KCNIP1: variants seen among roughly 807,000 people sequenced by gnomAD.
KCNIP1 encodes the protein potassium voltage-gated channel interacting protein 1, also known as A-type potassium channel modulatory protein KCNIP1.
In KCNIP1, 18 loss-of-function variants were observed where a neutral mutation model predicts 33.0. The observed-to-expected ratio is 0.55, with a 90% confidence interval of 0.38 to 0.81. The LOEUF is 0.81. Among genes scored for constraint, KCNIP1 ranks in the 30% least tolerant of loss-of-function variants. KCNIP1 has a pLI of 0.00. For synonymous variants in KCNIP1, 93 were observed against 98.3 expected (o/e 0.95, Z 0.32); for missense variants, 238 against 271.6 (o/e 0.88, Z 0.87).
chr5:170,385,253 T>C, intron 1 of KCNIP1: 1 of 1,596,506 alleles, frequency 6.3e-7, no homozygotes, highest in Non-Finnish European at 8.6e-7. Context: ...CCAGGGTTCC[T>C]TACAGATGCC....
intron 1 of KCNIP1, among the ~76,000 whole-genome samples, chr5:170,666,329 C>CGT (rs146990295): frequency 3.2e-4 from 49 of 151,852 alleles, no homozygotes; most frequent in Non-Finnish European, 5.3e-4. Context: ...TGTGTGTTTG[C>CGT]GTGTGTGTGT....
At chr5:170,511,919 G>C (rs530190684) in intron 1 of KCNIP1, among the ~76,000 whole-genome samples, 2 of 152,272 alleles carry the variant, frequency 1.3e-5, no homozygotes, top group East Asian at 3.9e-4. Flanking sequence ...ATGGATGTTG[G>C]GGAGAAGGCA....
chr5:170,735,717 G>A (rs1294932012), intron 7 of KCNIP1, 42 bp from the exon 8 acceptor site: 3 of 1,555,606 alleles, frequency 1.9e-6, no homozygotes, highest in Non-Finnish European at 2.7e-6. Context: ...TCTCAGGGAG[G>A]AGACTCAGAG....
At chr5:170,374,166 G>T (rs1421382067) in intron 1 of KCNIP1, among the ~76,000 whole-genome samples, 1 of 152,210 alleles carries the variant, frequency 6.6e-6, no homozygotes, top group African/African-American at 2.4e-5. Context: ...TGTTGATTTA[G>T]AGGAGGAGCT....
chr5:170,548,981 C>G (rs1756509911), intron 1 of KCNIP1, among the ~76,000 whole-genome samples: 1 of 152,150 alleles, frequency 6.6e-6, no homozygotes, highest in Non-Finnish European at 1.5e-5. Context: ...GGGGCTGGGG[C>G]TGGAGAAGCC....
intron 1 of KCNIP1, among the ~76,000 whole-genome samples, chr5:170,570,779 G>A (rs1757380068): frequency 6.6e-6 from 1 of 152,258 alleles, no homozygotes; most frequent in Non-Finnish European, 1.5e-5. Context: ...TGCCTCCTGG[G>A]AGGAAATAAA....
At chr5:170,450,506 C>T (rs752203407) in intron 1 of KCNIP1, among the ~76,000 whole-genome samples, 3 of 152,234 alleles carry the variant, frequency 2.0e-5, no homozygotes, top group Admixed American at 1.3e-4. Context: ...AAAACCCTTC[C>T]GTGGCTCCCT....
chr5:170,725,074 G>A (rs1581549273), intron 5 of KCNIP1, among the ~76,000 whole-genome samples: 1 of 152,090 alleles, frequency 6.6e-6, no homozygotes, highest in Non-Finnish European at 1.5e-5. Context: ...AGATGGTAGG[G>A]AATTGGCATA....
At chr5:170,451,138 T>C (rs1262315421) in intron 1 of KCNIP1, among the ~76,000 whole-genome samples, 1 of 152,218 alleles carries the variant, frequency 6.6e-6, no homozygotes, top group Non-Finnish European at 1.5e-5. Context: ...CTATTCTGAC[T>C]GTGTTGGAGC....
At chr5:170,692,275 G>A (rs991091708) in intron 1 of KCNIP1, among the ~76,000 whole-genome samples, 2 of 152,138 alleles carry the variant, frequency 1.3e-5, no homozygotes, top group African/African-American at 2.4e-5. Flanking sequence ...CAGGCTGCTG[G>A]GTGGGACCCC....
chr5:170,718,913 G>T (rs369653987), intron 2 of KCNIP1, 31 bp downstream of exon 2: 16 of 1,595,212 alleles, frequency 1.0e-5, no homozygotes, highest in Admixed American at 3.7e-5. Context: ...GAAGGCCTGG[G>T]GGGGGTTCCC....
Position 170,651,595 on chromosome 5 carries a change from AC to A in KCNIP1, c.62-67156del, listed in dbSNP as rs1374016069. On this transcript the variant is annotated intron_variant, in intron 1 of 7. Coordinates refer to ENST00000328939, the MANE Select transcript of KCNIP1 (RefSeq NM_014592.4). Reference sequence around the variant, plus strand: ...TTGCCATCTATAATCTTCTACCGCCACCCCCCCAGCTGATTGTTTTCTTTGT... The same window carrying A: ...TTGCCATCTATAATCTTCTACCGCCACCCCCCAGCTGATTGTTTTCTTTGT... Among the ~76,000 whole-genome samples the A allele has an allele frequency of 1.2e-4, 18 of 151,528 alleles. No homozygotes were observed. The South Asian group carries it at 1.5e-3, about 12-fold the overall frequency.
intron 7 of KCNIP1, among the ~76,000 whole-genome samples, chr5:170,735,216 T>C (rs1764341809): frequency 6.6e-6 from 1 of 152,246 alleles, no homozygotes; most frequent in Non-Finnish European, 1.5e-5. Context: ...TTGCATGTTC[T>C]GTATTTTACA....
chr5:170,667,528 C>T (rs1401493360), intron 1 of KCNIP1, among the ~76,000 whole-genome samples: 1 of 152,146 alleles, frequency 6.6e-6, no homozygotes, highest in African/African-American at 2.4e-5. Context: ...AACTGTGTCT[C>T]CACCAGACCA....
At chr5:170,479,174 A>G (rs1756922046) in intron 1 of KCNIP1, among the ~76,000 whole-genome samples, 1 of 152,214 alleles carries the variant, frequency 6.6e-6, no homozygotes, top group East Asian at 1.9e-4. Flanking sequence ...ATGTTTTCCT[A>G]GACTATAAAA....
intron 1 of KCNIP1, among the ~76,000 whole-genome samples, chr5:170,621,398 G>A (rs920805513): frequency 1.3e-5 from 2 of 152,132 alleles, no homozygotes; most frequent in East Asian, 1.9e-4. Context: ...TAGTAAGAGA[G>A]GGCATTCTCA....
intron 1 of KCNIP1, among the ~76,000 whole-genome samples, chr5:170,507,547 G>A (rs989716309): frequency 6.6e-6 from 1 of 152,086 alleles, no homozygotes; most frequent in Non-Finnish European, 1.5e-5. Context: ...CAGATAACTA[G>A]GACCAAAAAC....
At chr5:170,615,830 A>T (rs1346381132) in intron 1 of KCNIP1, among the ~76,000 whole-genome samples, 2 of 152,250 alleles carry the variant, frequency 1.3e-5, no homozygotes, top group Non-Finnish European at 2.9e-5. Context: ...AGGTTGTTGT[A>T]AGGATTAATT....
intron 1 of KCNIP1, among the ~76,000 whole-genome samples, chr5:170,590,867 C>T (rs1001820632): frequency 3.3e-5 from 5 of 152,172 alleles, no homozygotes; most frequent in Non-Finnish European, 7.3e-5. Flanking sequence ...CATCCTGAAG[C>T]TCCCCATCCT....
Sources: allele counts gnomAD v4.1 joint callset (sites outside exome capture counted in the v4.1 genomes callset), GRCh38; gene constraint gnomAD v4.1.1; transcripts MANE v1.5; gene names NCBI Gene and HGNC (gene_info 2026-07-23, HGNC 2026-07-21).